The following PCDHGA2 variants were observed in gnomAD, a reference collection of about 807,000 sequenced individuals.
The protein encoded by PCDHGA2 is protocadherin gamma subfamily A, 2.
A neutral mutation model predicts 59.2 loss-of-function variants in PCDHGA2; 40 were observed. The ratio of observed to expected loss-of-function variants is 0.68; its 90% CI spans 0.52 to 0.88. The LOEUF is 0.88. Ranked by LOEUF, PCDHGA2 falls within the 40% of genes least tolerant of loss-of-function variation. The probability of loss-of-function intolerance (pLI) is 0.00; values close to 1 mark genes in which losing one functional copy is unlikely to be tolerated. For synonymous variants in PCDHGA2, 560 were observed against 526.0 expected (o/e 1.06, Z -0.89); for missense variants, 1,226 against 1,204.0 (o/e 1.02, Z -0.27).
chr5:141,462,414 T>C (rs549473269), intron 1 of PCDHGA2, among the ~76,000 whole-genome samples: 1 of 152,360 alleles, frequency 6.6e-6, no homozygotes, highest in Non-Finnish European at 1.5e-5. Flanking sequence ...CAGAATATGG[T>C]CTATCTTGGT....
chr5:141,413,699 A>T (rs2095668539), intron 1 of PCDHGA2: 2 of 1,613,762 alleles, frequency 1.2e-6, no homozygotes, highest in East Asian at 4.5e-5. Context: ...CAGAGCTATC[A>T]GCTCAGCCCC....
intron 1 of PCDHGA2, among the ~76,000 whole-genome samples, chr5:141,455,082 G>A (rs1323760148): frequency 1.3e-5 from 2 of 151,932 alleles, no homozygotes; most frequent in African/African-American, 2.4e-5. Context: ...AAAGTGCTGG[G>A]ATTACAGGCT....
Position 141,511,643 on chromosome 5 carries a change from C to T in PCDHGA2, c.*470C>T, listed in dbSNP as rs937995879. ...TGAAAAGTTGGAAGGGCATCATGACCTCTTGGCCTCTCCTTTGATTCTCAA... is the reference window on the plus strand; with the variant it reads ...TGAAAAGTTGGAAGGGCATCATGACTTCTTGGCCTCTCCTTTGATTCTCAA... On this transcript the variant is annotated 3_prime_UTR_variant, in exon 4 of 4. Coordinates refer to ENST00000394576, the MANE Select transcript of PCDHGA2 (RefSeq NM_018915.4). 4 of 218,904 alleles carry T rather than the reference C, an allele frequency of 1.8e-5. No homozygotes were observed. The highest frequency in any genetic ancestry group is 5.2e-5 in the Admixed American group (1 of 19,306). 13.6% of individuals were successfully genotyped at this position (218,904 alleles called of 1,614,324 possible). A position where few individuals can be genotyped will look rare whatever the true frequency, so the allele number is the denominator to read the frequency against.
At chr5:141,484,054 G>A (rs1192214731) in intron 1 of PCDHGA2, among the ~76,000 whole-genome samples, 4 of 152,044 alleles carry the variant, frequency 2.6e-5, no homozygotes, top group African/African-American at 9.7e-5. Flanking sequence ...AGGTCCCCTG[G>A]GGCTAAGTGA....
At chr5:141,359,122 C>A (rs1289421811) in intron 1 of PCDHGA2, among the ~76,000 whole-genome samples, 1 of 152,048 alleles carries the variant, frequency 6.6e-6, no homozygotes, top group African/African-American at 2.4e-5. Context: ...AGTTGTGGTG[C>A]AATACATAGA....
chr5:141,482,492 T>C (rs1167963137), intron 1 of PCDHGA2, among the ~76,000 whole-genome samples: 1 of 144,468 alleles, frequency 6.9e-6, no homozygotes, highest in Non-Finnish European at 1.5e-5. Flanking sequence ...TTAAAAGTTA[T>C]CATTCTGGTA....
At chr5:141,501,569 G>A (rs1401631416) in intron 2 of PCDHGA2, among the ~76,000 whole-genome samples, 3 of 151,998 alleles carry the variant, frequency 2.0e-5, no homozygotes, top group African/African-American at 7.2e-5. Flanking sequence ...AATCATATTA[G>A]GCTGGCTTTC....
At chr5:141,402,908 G>A (rs772824235) in intron 1 of PCDHGA2, 1 of 1,545,226 alleles carries the variant, frequency 6.5e-7, no homozygotes, top group Admixed American at 2.0e-5. Context: ...TGATGAAGCA[G>A]CGCGCACAGA....
Position 141,388,496 on chromosome 5 carries a change from G to C in PCDHGA2, c.2424+47101G>C. The stretch of plus-strand genomic sequence containing the variant: ...TGAAGACACCTTTGGACAGAGAAAA[G>C]CAGAAATCCTACCACTTGACTTTGA... On this transcript the variant is annotated intron_variant, in intron 1 of 3. Coordinates refer to ENST00000394576, the MANE Select transcript of PCDHGA2 (RefSeq NM_018915.4). 1 of 1,613,828 alleles carries C rather than the reference G, an allele frequency of 6.2e-7. No individual in the cohort carries two copies. Among genetic ancestry groups the C allele is most frequent in the Admixed American group, 1.7e-5 (1 of 60,022 alleles).
intron 1 of PCDHGA2, chr5:141,400,170 G>T (rs779918187): frequency 6.2e-7 from 1 of 1,614,066 alleles, no homozygotes; most frequent in Admixed American, 1.7e-5. Flanking sequence ...CTGACCCCCA[G>T]GCTGAGCTGC....
Position 141,486,676 on chromosome 5 carries a change from T to A in PCDHGA2, c.2425-8131T>A, listed in dbSNP as rs375080564. On this transcript the variant is annotated intron_variant, in intron 1 of 3. Coordinates refer to ENST00000394576, the MANE Select transcript of PCDHGA2 (RefSeq NM_018915.4). This position sits in a 1 kb window ranked among gnomAD's most constrained non-coding sequence, Gnocchi z 5.0. ...CACTCCTGGAGCCCAGGAATCGAGA[T>A]GTATCAGCTTCCTCTTTCATCTCTC... 3 of 1,614,002 alleles carry A rather than the reference T, an allele frequency of 1.9e-6. No homozygotes were observed. The highest frequency in any genetic ancestry group is 2.5e-6 in the Non-Finnish European group (3 of 1,180,036).
At chr5:141,467,565 C>A (rs2154569547) in intron 1 of PCDHGA2, among the ~76,000 whole-genome samples, 1 of 152,302 alleles carries the variant, frequency 6.6e-6, no homozygotes, top group East Asian at 1.9e-4. Context: ...TCCCAAATGG[C>A]TATCCAGTTG....
chr5:141,355,921 G>A (rs764054199), intron 1 of PCDHGA2: 4 of 1,613,736 alleles, frequency 2.5e-6, no homozygotes, highest in South Asian at 1.1e-5. Flanking sequence ...TAATGCTCCC[G>A]TGTTCACTCA....
chr5:141,375,411 C>T lies in PCDHGA2; in HGVS notation c.2424+34016C>T, dbSNP rs73265852. Reference sequence around the variant, plus strand: ...GAAACAATCATCTCTCTAAATGTGGCAGACACCAACGACAACCCGCCCACC... The same window carrying T: ...GAAACAATCATCTCTCTAAATGTGGTAGACACCAACGACAACCCGCCCACC... On this transcript the variant is annotated intron_variant, in intron 1 of 3. Coordinates refer to ENST00000394576, the MANE Select transcript of PCDHGA2 (RefSeq NM_018915.4). 1.5e-3 allele frequency: 2,401 copies of T among 1,613,970 alleles called. 32 individuals are homozygous for T. In the African/African-American group the frequency reaches 0.028, roughly 19 times the overall value.
At position 141,339,676 on chromosome 5, in the gene PCDHGA2, G is replaced by T. The variant is rs1756863169; in HGVS notation, c.705G>T (p.Ala235=). 1 of 1,614,148 alleles carries T rather than the reference G, an allele frequency of 6.2e-7. No homozygotes were observed. Among genetic ancestry groups the T allele is most frequent in the Non-Finnish European group, 8.5e-7 (1 of 1,180,026 alleles). The change falls in exon 1 of 4, where the codon GCG becomes GCT. Residue 235 remains alanine, a synonymous_variant. Coordinates refer to ENST00000394576, the MANE Select transcript of PCDHGA2 (RefSeq NM_018915.4). The part of the protein sequence containing the change: ...TSRICVKVLD[A]NDNAPVFTQP... ...GCATCTGCGTGAAGGTCCTGGATGC[G>T]AACGACAATGCGCCTGTTTTTACAC... is the stretch of plus-strand genomic sequence containing the variant.
chr5:141,388,908 G>T, intron 1 of PCDHGA2: 2 of 1,613,892 alleles, frequency 1.2e-6, no homozygotes, highest in East Asian at 2.2e-5. Context: ...AAATGACAAC[G>T]CCCCAGAAGT....
At chr5:141,380,802 T>A (rs1776746309) in intron 1 of PCDHGA2, among the ~76,000 whole-genome samples, 1 of 152,118 alleles carries the variant, frequency 6.6e-6, no homozygotes, top group African/African-American at 2.4e-5. Context: ...AAGAAACAAA[T>A]GTGAGATGAA....
At chr5:141,345,223 C>G (rs1364128998) in intron 1 of PCDHGA2, 4 of 1,613,928 alleles carry the variant, frequency 2.5e-6, no homozygotes, top group South Asian at 2.2e-5. Context: ...TTAGAAAAAT[C>G]AATAGATCAA....
intron 2 of PCDHGA2, 179 bp downstream of exon 2, chr5:141,495,044 T>C (rs2099758475): frequency 1.1e-6 from 1 of 944,572 alleles, no homozygotes; most frequent in Non-Finnish European, 1.3e-6. Flanking sequence ...AAGAGGCGAC[T>C]GCCCTGACTG....
Sources: gnomAD v4.1 joint callset for allele counts (sites outside exome capture counted in the v4.1 genomes callset) on GRCh38, gnomAD v4.1.1 for gene constraint, Gnocchi (gnomAD v3.1) non-coding constraint, MANE v1.5 for transcripts, NCBI Gene and HGNC (gene_info 2026-07-23, HGNC 2026-07-21) for gene names.